GEMIN2: variants seen among roughly 807,000 people sequenced by gnomAD.
The protein encoded by GEMIN2 is gem nuclear organelle associated protein 2.
Under a neutral mutation model 45.8 loss-of-function variants are expected in GEMIN2, and 37 were observed. The observed-to-expected ratio is 0.81, with a 90% CI of 0.62 to 1.06. The LOEUF is 1.06. Among genes scored for constraint, GEMIN2 ranks in the 50% least tolerant of loss-of-function variants. GEMIN2 has a pLI of 0.00. For synonymous variants in GEMIN2, 101 were observed against 111.5 expected, an observed-to-expected ratio of 0.91 and a Z score of 0.60; for missense variants, 335 against 321.8, an observed-to-expected ratio of 1.04 and a Z score of -0.31.
intron 7 of GEMIN2, among the ~76,000 whole-genome samples, chr14:39,129,040 C>A (rs2052682192): frequency 6.6e-6 from 1 of 152,140 alleles, no homozygotes; most frequent in African/African-American, 2.4e-5. Flanking sequence ...TCACCTAAGG[C>A]CAGGGAGGTT....
At chr14:39,127,992 C>T (rs533990621) in intron 6 of GEMIN2, among the ~76,000 whole-genome samples, 43 of 140,208 alleles carry the variant, frequency 3.1e-4, no homozygotes, top group South Asian at 7.3e-4. Context: ...TGCTTGAACC[C>T]GGGAGGCGGA....
At chr14:39,123,774 G>A (rs577676699) in intron 5 of GEMIN2, among the ~76,000 whole-genome samples, 1 of 123,686 alleles carries the variant, frequency 8.1e-6, no homozygotes, top group East Asian at 2.3e-4. Flanking sequence ...AGGCTGGAGT[G>A]CAGTAGTGCA....
chr14:39,132,989 TG>T, intron 8 of GEMIN2, among the ~76,000 whole-genome samples: 1 of 121,090 alleles, frequency 8.3e-6, no homozygotes, highest in East Asian at 2.0e-4. Flanking sequence ...TGTGTGTGTG[TG>T]TGTGTGTGTG....
At position 39,122,497 on chromosome 14, in the gene GEMIN2, C is replaced by A; in HGVS notation, c.440C>A (p.Ala147Asp). 1 of 1,606,284 alleles carries A rather than the reference C, an allele frequency of 6.2e-7. No homozygotes were observed. The highest frequency in any genetic ancestry group is 8.5e-7 in the Non-Finnish European group (1 of 1,174,544). ...CLGEKLCADG[A>D]VGPATNESPG... The stretch of plus-strand genomic sequence containing the variant: ...GGTGAAAAGTTATGTGCTGACGGGG[C>A]TGTTGGACCAGCCACAAATGAAAGT... The change falls in exon 5 of 10, where the codon GCT (alanine) becomes GAT (aspartate). Residue 147 changes from alanine (A) to aspartate (D), a missense_variant. Physicochemically the swap from Ala to Asp is moderately radical, Grantham distance 126. Coordinates refer to ENST00000308317, the MANE Select transcript of GEMIN2 (RefSeq NM_003616.3).
chr14:39,129,458 G>C (rs542022852), intron 7 of GEMIN2, among the ~76,000 whole-genome samples: 82 of 152,160 alleles, frequency 5.4e-4, no homozygotes, highest in African/African-American at 1.9e-3. Context: ...CTGTTGCCCA[G>C]GCTGGAGTGC....
At chr14:39,130,694 C>T (rs112958763) in intron 7 of GEMIN2, among the ~76,000 whole-genome samples, 7 of 150,806 alleles carry the variant, frequency 4.6e-5, no homozygotes, top group African/African-American at 1.7e-4. Flanking sequence ...AGGAGTTCGA[C>T]ACCAGCCTGG....
At chr14:39,133,046 A>T (rs967832106) in intron 8 of GEMIN2, among the ~76,000 whole-genome samples, 1 of 143,976 alleles carries the variant, frequency 6.9e-6, no homozygotes, top group African/African-American at 2.6e-5. Context: ...ATATCTTTAT[A>T]TATATATCTT....
chr14:39,120,122 G>A (rs539338555), intron 4 of GEMIN2, among the ~76,000 whole-genome samples: 49 of 152,258 alleles, frequency 3.2e-4, no homozygotes, highest in African/African-American at 9.6e-4. Context: ...AAATGGAAAT[G>A]ACCTAACATA....
chr14:39,122,607 G>T, intron 5 of GEMIN2, 64 bp downstream of exon 5: 1 of 819,720 alleles, frequency 1.2e-6, no homozygotes, highest in Non-Finnish European at 2.0e-6. Flanking sequence ...CTTAATATAA[G>T]GGGTCAGCAA....
chr14:39,135,141 A>G (rs1277473957), intron 9 of GEMIN2, among the ~76,000 whole-genome samples: 1 of 152,190 alleles, frequency 6.6e-6, no homozygotes, highest in Non-Finnish European at 1.5e-5. Context: ...GCCTCAGTTG[A>G]GATTTTACAG....
At chr14:39,116,709 A>G (rs1221974931) in intron 2 of GEMIN2, among the ~76,000 whole-genome samples, 1 of 152,122 alleles carries the variant, frequency 6.6e-6, no homozygotes, top group Non-Finnish European at 1.5e-5. Context: ...GTTGATGGAC[A>G]TTTAATGGAA....
Position 39,136,425 on chromosome 14 carries a change from T to G in GEMIN2, c.771-15T>G, listed in dbSNP as rs192707772. On this transcript the variant is annotated splice_polypyrimidine_tract_variant and intron_variant, in intron 9 of 9. Transcript: ENST00000308317. The stretch of plus-strand genomic sequence containing the variant: ...AATATCTTTATACATAAATTTTTTG[T>G]TTTTTTTTTACTAGGTATTTTGACC... 791 of 1,261,198 alleles carry G rather than the reference T, an allele frequency of 6.3e-4. No individual in the cohort carries two copies. The highest frequency in any genetic ancestry group is 1.5e-3 in the Admixed American group (82 of 55,414). The allele number at this position is 1,261,198 out of a possible 1,614,324, so 78.1% of individuals were successfully genotyped here. A position where few individuals can be genotyped will look rare whatever the true frequency, so the allele number is the denominator to read the frequency against.
chr14:39,122,494 G>A lies in GEMIN2; in HGVS notation c.437G>A (p.Gly146Glu), dbSNP rs370074781. The change falls in exon 5 of 10, where the codon GGG (glycine) becomes GAG (glutamate). Residue 146 changes from glycine (G) to glutamate (E), a missense_variant. Physicochemically the swap from Gly to Glu is moderately conservative, Grantham distance 98. Coordinates refer to ENST00000308317, the MANE Select transcript of GEMIN2 (RefSeq NM_003616.3). ...CTGGGTGAAAAGTTATGTGCTGACGGGGCTGTTGGACCAGCCACAAATGAA... is the reference window on the plus strand; with the variant it reads ...CTGGGTGAAAAGTTATGTGCTGACGAGGCTGTTGGACCAGCCACAAATGAA... ...FCLGEKLCAD[G>E]AVGPATNESP... 1 of 1,609,702 alleles carries A rather than the reference G, an allele frequency of 6.2e-7. No homozygotes were observed. Among genetic ancestry groups the A allele is most frequent in the African/African-American group, 1.3e-5 (1 of 74,696 alleles).
At chr14:39,123,376 G>C (rs962874114) in intron 5 of GEMIN2, among the ~76,000 whole-genome samples, 3 of 151,666 alleles carry the variant, frequency 2.0e-5, no homozygotes, top group African/African-American at 7.3e-5. Context: ...CCCTGCCCAA[G>C]AAAAAATAGC....
At chr14:39,128,485 CTT>C (rs71130820) in intron 7 of GEMIN2, 137 bp downstream of exon 7, 4,946 of 146,458 alleles carry the variant, frequency 0.034, no homozygotes, top group Middle Eastern at 0.063. Flanking sequence ...TTTTTCTTTT[CTT>C]TTTTTTTTTT....
chr14:39,122,592 C>A (rs933827873), intron 5 of GEMIN2, 49 bp downstream of exon 5: 12 of 996,760 alleles, frequency 1.2e-5, no homozygotes, highest in Non-Finnish European at 1.7e-5. Context: ...AATTTTGGTG[C>A]ACCACTTAAT....
At position 39,122,505 on chromosome 14, in the gene GEMIN2, C is replaced by A; in HGVS notation, c.448C>A (p.Pro150Thr). 1 of 1,603,420 alleles carries A rather than the reference C, an allele frequency of 6.2e-7. No individual in the cohort carries two copies. The highest frequency in any genetic ancestry group is 8.5e-7 in the Non-Finnish European group (1 of 1,171,936). Residue 150 changes from proline (P) to threonine (T), a missense_variant, in exon 5 of 10, where the codon CCA becomes ACA. Coordinates refer to ENST00000308317, the MANE Select transcript of GEMIN2 (RefSeq NM_003616.3). ...EKLCADGAVG[P>T]ATNESPGIDY... ...GTTATGTGCTGACGGGGCTGTTGGACCAGCCACAAATGAAAGTCCTGGAAT... is the reference window on the plus strand; with the variant it reads ...GTTATGTGCTGACGGGGCTGTTGGAACAGCCACAAATGAAAGTCCTGGAAT...
intron 2 of GEMIN2, among the ~76,000 whole-genome samples, chr14:39,116,062 G>A (rs962693357): frequency 2.0e-5 from 3 of 149,572 alleles, no homozygotes; most frequent in East Asian, 3.9e-4. Context: ...TTTTTTTTGC[G>A]TCTCAATTTT....
At position 39,123,708 on chromosome 14, in the gene GEMIN2, A is replaced by ATTTT. The variant is rs1162485883; in HGVS notation, c.486+1192_486+1195dup. On this transcript the variant is annotated intron_variant, in intron 5 of 9. Transcript: ENST00000308317. ...TAGCTATATATATATATATATATAT[A>ATTTT]TTTTTTTTTTTTTTTTTTTTTTTTT... 8.0e-4 allele frequency among the ~76,000 whole-genome samples: 30 copies of ATTTT among 37,690 alleles called. 2 individuals are homozygous for ATTTT. The highest frequency in any genetic ancestry group is 3.0e-3 in the African/African-American group (23 of 7,678). 24.7% of individuals were successfully genotyped at this position (37,690 alleles called of 152,430 possible).
Sources: gnomAD v4.1 joint callset for allele counts (sites outside exome capture counted in the v4.1 genomes callset) on GRCh38, gnomAD v4.1.1 for gene constraint, MANE v1.5 for transcripts, NCBI Gene and HGNC (gene_info 2026-07-23, HGNC 2026-07-21) for gene names.